Variants in DPP10 observed in about 807,000 individuals in gnomAD.
The protein encoded by DPP10 is dipeptidyl peptidase like 10, also known as inactive dipeptidyl peptidase 10.
A neutral mutation model predicts 120.9 loss-of-function variants in DPP10; 33 were observed. The ratio of observed to expected loss-of-function variants is 0.27; its 90% CI spans 0.21 to 0.37. The LOEUF (loss-of-function observed/expected upper bound fraction) is 0.37, where lower values mean the gene tolerates loss of function less well. Among genes scored for constraint, DPP10 ranks in the 10% least tolerant of loss-of-function variants. DPP10 has a pLI of 1.00. For synonymous variants in DPP10, 337 were observed against 326.1 expected (o/e 1.03, Z -0.36); for missense variants, 816 against 942.8 (o/e 0.87, Z 1.76).
At chr2:114,679,679 G>T (rs1431293339) in intron 1 of DPP10, among the ~76,000 whole-genome samples, 1 of 151,930 alleles carries the variant, frequency 6.6e-6, no homozygotes, top group African/African-American at 2.4e-5. Context: ...GAGAAATTTA[G>T]ATAATCTATC....
At chr2:114,567,696 C>T (rs1392588906) in intron 1 of DPP10, among the ~76,000 whole-genome samples, 2 of 151,946 alleles carry the variant, frequency 1.3e-5, no homozygotes, top group Non-Finnish European at 2.9e-5. Flanking sequence ...AATCAATATG[C>T]CCATGAAAGT....
At chr2:114,663,671 A>ATATATATATATATATG (rs1341152871) in intron 1 of DPP10, among the ~76,000 whole-genome samples, 1 of 139,914 alleles carries the variant, frequency 7.1e-6, no homozygotes, top group African/African-American at 2.7e-5. Context: ...ATATATATAG[A>ATATATATATATATATG]GAGAGAGAGA....
chr2:114,850,062 T>C (rs1688836886), intron 1 of DPP10, among the ~76,000 whole-genome samples: 1 of 151,180 alleles, frequency 6.6e-6, no homozygotes. Context: ...CTTTTTTTTT[T>C]TCTTTAAGAG....
chr2:115,812,963 CTTTTTTTTTTT>C lies in DPP10; in HGVS notation c.1701-1811_1701-1801del, dbSNP rs66478532. ...TAACTAAATATCTCTGACTGGATAT[CTTTTTTTTTTT>C]TTTTTTTTTTTTTTTTTTGAGACGG... On this transcript the variant is annotated intron_variant, in intron 19 of 25. Transcript: ENST00000410059. 2.6e-4 allele frequency among the ~76,000 whole-genome samples: 19 copies of C among 72,832 alleles called. 1 individual carries two copies. The South Asian group carries it at 4.3e-3, about 16-fold the overall frequency. 47.8% of individuals were successfully genotyped at this position (72,832 alleles called of 152,430 possible). A position where few individuals can be genotyped will look rare whatever the true frequency, so the allele number is the denominator to read the frequency against.
At chr2:115,709,265 A>T (rs566909618) in intron 7 of DPP10, among the ~76,000 whole-genome samples, 56 of 152,194 alleles carry the variant, frequency 3.7e-4, no homozygotes, top group African/African-American at 1.3e-3. Flanking sequence ...AGACCAAGAG[A>T]AAGAGCCCTT....
intron 1 of DPP10, among the ~76,000 whole-genome samples, chr2:114,943,869 T>C (rs1304241963): frequency 1.3e-5 from 2 of 152,220 alleles, no homozygotes; most frequent in African/African-American, 4.8e-5. Context: ...GACTATAATA[T>C]ATGAACAACT....
chr2:114,729,497 G>C (rs1574057799), intron 1 of DPP10, among the ~76,000 whole-genome samples: 1 of 152,158 alleles, frequency 6.6e-6, no homozygotes, highest in Admixed American at 6.5e-5. Context: ...GCAAGGCCCT[G>C]GCCAAATTTC....
chr2:115,471,499 C>A (rs1445913763), intron 3 of DPP10, among the ~76,000 whole-genome samples: 1 of 152,142 alleles, frequency 6.6e-6, no homozygotes, highest in Non-Finnish European at 1.5e-5. Flanking sequence ...CCACCACCGG[C>A]TTCTGAGAGG....
intron 1 of DPP10, chr2:114,835,550 C>T (rs1291540858): frequency 2.0e-5 from 3 of 152,126 alleles, no homozygotes; most frequent in Admixed American, 2.0e-4. Context: ...TTGCTTAGTT[C>T]CTGCCAGTAC....
intron 1 of DPP10, among the ~76,000 whole-genome samples, chr2:114,603,115 G>T (rs900773383): frequency 3.3e-5 from 5 of 151,994 alleles, no homozygotes; most frequent in African/African-American, 7.2e-5. Context: ...AGCCAGAAAA[G>T]TCCCCATTGT....
chr2:115,107,670 C>T (rs2049019511), intron 1 of DPP10, among the ~76,000 whole-genome samples: 1 of 151,790 alleles, frequency 6.6e-6, no homozygotes, highest in East Asian at 1.9e-4. Context: ...GCATTACCAT[C>T]TTATTATAAA....
At chr2:114,554,083 G>C (rs1004214105) in intron 1 of DPP10, among the ~76,000 whole-genome samples, 1 of 152,222 alleles carries the variant, frequency 6.6e-6, no homozygotes, top group Admixed American at 6.5e-5. Context: ...GTTGATGTTA[G>C]TGAATCCATA....
chr2:115,512,072 T>A (rs1377407122), intron 4 of DPP10, among the ~76,000 whole-genome samples: 1 of 151,202 alleles, frequency 6.6e-6, no homozygotes, highest in Non-Finnish European at 1.5e-5. Flanking sequence ...TTTCCTTCCT[T>A]CCTGTCTCCC....
At chr2:115,089,691 C>T (rs1156944347) in intron 1 of DPP10, among the ~76,000 whole-genome samples, 1 of 152,186 alleles carries the variant, frequency 6.6e-6, no homozygotes, top group Non-Finnish European at 1.5e-5. Context: ...AGAGCCAGCA[C>T]AAACATAGTT....
chr2:115,410,447 G>C (rs1235247775), intron 3 of DPP10, among the ~76,000 whole-genome samples: 1 of 152,140 alleles, frequency 6.6e-6, no homozygotes, highest in Non-Finnish European at 1.5e-5. Flanking sequence ...ATGGACACAG[G>C]GAGGGGAACA....
At position 115,410,081 on chromosome 2, in the gene DPP10, A is replaced by T. The variant is rs193255498; in HGVS notation, c.271+66169A>T. ...AAGGAATCCAGTTTCAATTTTCTGC[A>T]TATAGCTAGCCAGATCTCCCAGCCC... On this transcript the variant is annotated intron_variant, in intron 3 of 25. Transcript: ENST00000410059. Among the ~76,000 whole-genome samples, 57 of 152,302 alleles carry T rather than the reference A, an allele frequency of 3.7e-4. 1 individual carries two copies. The East Asian group carries it at 7.3e-3, about 20-fold the overall frequency.
chr2:115,688,178 C>T (rs2091112106), intron 5 of DPP10, among the ~76,000 whole-genome samples: 1 of 151,940 alleles, frequency 6.6e-6, no homozygotes, highest in Non-Finnish European at 1.5e-5. Context: ...AAGTAGACAC[C>T]AGGAAAAATT....
intron 1 of DPP10, among the ~76,000 whole-genome samples, chr2:115,308,693 G>GTTTTT (rs3068805): frequency 6.3e-5 from 8 of 126,638 alleles, no homozygotes; most frequent in African/African-American, 2.0e-4. Flanking sequence ...ACTAAATCCT[G>GTTTTT]TTTTTTTTTT....
chr2:115,381,238 G>A (rs913602234), intron 3 of DPP10, among the ~76,000 whole-genome samples: 10 of 152,138 alleles, frequency 6.6e-5, no homozygotes, highest in African/African-American at 2.2e-4. Flanking sequence ...ATTTCTTGGA[G>A]GCTTTGCTCG....
Sources: allele counts gnomAD v4.1 joint callset (sites outside exome capture counted in the v4.1 genomes callset), GRCh38; gene constraint gnomAD v4.1.1; transcripts MANE v1.5; gene names NCBI Gene and HGNC (gene_info 2026-07-23, HGNC 2026-07-21).